Variants in LRP1B observed in about 807,000 individuals in gnomAD.
LRP1B encodes the protein low-density lipoprotein receptor-related protein 1B.
LRP1B carries 217 observed loss-of-function variants against 556.6 expected under a neutral mutation model. The ratio of observed to expected loss-of-function variants is 0.39; its 90% CI spans 0.35 to 0.44. The LOEUF is 0.44. LRP1B is among the 20% of genes least tolerant of loss of function. The pLI is 1.00. For synonymous variants in LRP1B, 2,047 were observed against 1,865.8 expected, an observed-to-expected ratio of 1.10 and a Z score of -2.50; for missense variants, 5,053 against 5,620.8, an observed-to-expected ratio of 0.90 and a Z score of 3.23.
At chr2:140,427,830 C>G (rs941298461) in intron 66 of LRP1B, among the ~76,000 whole-genome samples, 1 of 151,986 alleles carries the variant, frequency 6.6e-6, no homozygotes, top group Non-Finnish European at 1.5e-5. Context: ...GGTCCCAGTT[C>G]TTCCTCAGCC....
chr2:141,247,914 C>G (rs747680156), intron 4 of LRP1B, among the ~76,000 whole-genome samples: 1 of 152,056 alleles, frequency 6.6e-6, no homozygotes, highest in Admixed American at 6.5e-5. Context: ...TAATTAGAAA[C>G]TTCCTGTAAT....
intron 1 of LRP1B, among the ~76,000 whole-genome samples, chr2:141,864,453 A>G (rs972747645): frequency 2.6e-5 from 4 of 152,136 alleles, no homozygotes; most frequent in Non-Finnish European, 5.9e-5. Flanking sequence ...GGCCCCAAAC[A>G]AGCTAAAAAG....
At chr2:141,977,916 A>G (rs190709844) in intron 1 of LRP1B, among the ~76,000 whole-genome samples, 158 of 152,290 alleles carry the variant, frequency 1.0e-3, no homozygotes, top group African/African-American at 3.7e-3. Flanking sequence ...TCTTATTGCA[A>G]CATCTACAAT....
chr2:141,490,865 T>C (rs1368039867), intron 2 of LRP1B, among the ~76,000 whole-genome samples: 12 of 151,752 alleles, frequency 7.9e-5, no homozygotes, highest in Admixed American at 5.9e-4. Flanking sequence ...ACTCTCCTTG[T>C]TAAAAGCTCC....
intron 1 of LRP1B, among the ~76,000 whole-genome samples, chr2:142,024,620 G>GTTT (rs3041443): frequency 0.015 from 2,011 of 130,984 alleles, 39 homozygotes; most frequent in African/African-American, 0.04. Context: ...CAGCTGAAAT[G>GTTT]TTTTTTTTTT....
chr2:141,940,980 A>G (rs1351743103), intron 1 of LRP1B, among the ~76,000 whole-genome samples: 1 of 152,222 alleles, frequency 6.6e-6, no homozygotes, highest in Non-Finnish European at 1.5e-5. Flanking sequence ...TGTTAGAGTT[A>G]CAAATGAATA....
chr2:140,716,903 C>A (rs1023336244), intron 35 of LRP1B, 87 bp from the exon 36 acceptor site: 7 of 624,850 alleles, frequency 1.1e-5, no homozygotes, highest in Non-Finnish European at 1.8e-5. Context: ...GCAACAGTAT[C>A]TTTTAGGATA....
intron 2 of LRP1B, among the ~76,000 whole-genome samples, chr2:141,506,031 A>C (rs4477847): frequency 2.0e-5 from 3 of 152,040 alleles, no homozygotes; most frequent in Admixed American, 2.0e-4. Flanking sequence ...AAGTGTGACA[A>C]CCCTGTTAGG....
At position 141,611,662 on chromosome 2, in the gene LRP1B, A is replaced by G. The variant is rs568534418; in HGVS notation, c.206-131129T>C. ...TATATGATTAACAGAAAAACAGTGA[A>G]TTAATGTTGTTATCTTAATATTGTT... On this transcript the variant is annotated intron_variant, in intron 2 of 90. Coordinates refer to ENST00000389484, the MANE Select transcript of LRP1B (RefSeq NM_018557.3). Among the ~76,000 whole-genome samples, 91 of 152,314 alleles carry G rather than the reference A, an allele frequency of 6.0e-4. 3 individuals are homozygous for G. The South Asian group carries it at 0.012, about 20-fold the overall frequency.
At chr2:141,089,237 A>G (rs1700119827) in intron 7 of LRP1B, among the ~76,000 whole-genome samples, 1 of 152,096 alleles carries the variant, frequency 6.6e-6, no homozygotes, top group African/African-American at 2.4e-5. Flanking sequence ...AAGTCTTCGT[A>G]TTGTTTTTTA....
At chr2:141,718,134 G>C (rs1017325159) in intron 2 of LRP1B, among the ~76,000 whole-genome samples, 16 of 152,284 alleles carry the variant, frequency 1.1e-4, no homozygotes, top group Non-Finnish European at 2.1e-4. Flanking sequence ...TGCCAGAGGA[G>C]AGAAAGACTC....
chr2:140,971,558 C>T (rs115577233), intron 18 of LRP1B, among the ~76,000 whole-genome samples: 3,150 of 152,262 alleles, frequency 0.021, 49 homozygotes, highest in Non-Finnish European at 0.031. Context: ...AGAATCAAGG[C>T]CAGGTGCGGT....
intron 2 of LRP1B, among the ~76,000 whole-genome samples, chr2:141,616,918 T>C (rs1688320811): frequency 6.6e-6 from 1 of 152,206 alleles, no homozygotes; most frequent in African/African-American, 2.4e-5. Context: ...TCCCCTCCTC[T>C]TCAGTACCTA....
At chr2:141,794,106 A>T (rs1453100308) in intron 2 of LRP1B, among the ~76,000 whole-genome samples, 1 of 151,936 alleles carries the variant, frequency 6.6e-6, no homozygotes, top group Non-Finnish European at 1.5e-5. Context: ...CATCCTTAGA[A>T]GGAATATTTT....
intron 3 of LRP1B, among the ~76,000 whole-genome samples, chr2:141,314,859 T>TATATATATAC (rs367843352): frequency 0.11 from 15,077 of 137,240 alleles, 909 homozygotes; most frequent in South Asian, 0.15. Context: ...TATATATACA[T>TATATATATAC]ATATATACAT....
At chr2:140,508,920 T>C (rs114889233) in intron 52 of LRP1B, among the ~76,000 whole-genome samples, 99 of 152,302 alleles carry the variant, frequency 6.5e-4, no homozygotes, top group African/African-American at 2.3e-3. Flanking sequence ...AGTGGCCTCA[T>C]TGACCTTTAC....
intron 31 of LRP1B, among the ~76,000 whole-genome samples, chr2:140,829,749 T>C (rs1010070363): frequency 6.6e-6 from 1 of 151,252 alleles, no homozygotes; most frequent in Non-Finnish European, 1.5e-5. Flanking sequence ...CCAAAAGTAG[T>C]AGAAGAAAAA....
intron 20 of LRP1B, among the ~76,000 whole-genome samples, chr2:140,925,505 G>A (rs1056589909): frequency 1.3e-5 from 2 of 151,936 alleles, no homozygotes; most frequent in Non-Finnish European, 2.9e-5. Context: ...ACATACCTTG[G>A]CTCATCTGAC....
intron 7 of LRP1B, among the ~76,000 whole-genome samples, chr2:141,156,427 G>A (rs1396894335): frequency 1.3e-5 from 2 of 152,058 alleles, no homozygotes; most frequent in Non-Finnish European, 2.9e-5. Context: ...AGGAGTTCAA[G>A]ACCAGCCTGG....
Sources: allele counts gnomAD v4.1 joint callset (sites outside exome capture counted in the v4.1 genomes callset), GRCh38; gene constraint gnomAD v4.1.1; transcripts MANE v1.5; gene names NCBI Gene and HGNC (gene_info 2026-07-23, HGNC 2026-07-21).